The following TANGO2 variants were observed in gnomAD, a reference collection of about 807,000 sequenced individuals.
The protein encoded by TANGO2 is transport and golgi organization 2 homolog.
TANGO2 carries 26 observed loss-of-function variants against 39.1 expected under a neutral mutation model. The observed-to-expected ratio is 0.67, with a 90% CI of 0.49 to 0.92. The LOEUF (loss-of-function observed/expected upper bound fraction) is 0.92. Among genes scored for constraint, TANGO2 ranks in the 40% least tolerant of loss-of-function variants. The pLI is 0.00. For missense variants in TANGO2, 326 were observed against 360.1 expected (o/e 0.91, Z 0.77); for synonymous variants, 131 against 144.5 (o/e 0.91, Z 0.67).
At chr22:20,023,564 G>A (rs992968410) in intron 1 of TANGO2, among the ~76,000 whole-genome samples, 2 of 152,204 alleles carry the variant, frequency 1.3e-5, no homozygotes, top group African/African-American at 4.8e-5. Flanking sequence ...TAGAAAATGT[G>A]TCATGATAGG....
intron 3 of TANGO2, among the ~76,000 whole-genome samples, chr22:20,051,924 A>G (rs2046408837): frequency 6.6e-6 from 1 of 152,220 alleles, no homozygotes; most frequent in South Asian, 2.1e-4. Flanking sequence ...ATCTTTGGGT[A>G]AAATGACCCC....
intron 5 of TANGO2, 134 bp from the exon 6 acceptor site, chr22:20,055,809 A>G (rs2047218191): frequency 1.3e-6 from 1 of 751,548 alleles, no homozygotes; most frequent in African/African-American, 1.7e-5. Context: ...TGGGTCCTGC[A>G]AGCTCCTGAC....
chr22:20,056,483 G>A (rs1033028242), intron 6 of TANGO2: 5 of 457,756 alleles, frequency 1.1e-5, no homozygotes, highest in Non-Finnish European at 2.2e-5. Context: ...CCATCCTCAG[G>A]GCCTCGAGCC....
chr22:20,029,925 C>T (rs910303297), intron 1 of TANGO2, among the ~76,000 whole-genome samples: 48 of 152,150 alleles, frequency 3.2e-4, no homozygotes, highest in African/African-American at 1.0e-3. Flanking sequence ...CCTCTTTTGT[C>T]ACATCTGTGT....
chr22:20,051,273 T>C (rs1351470451), intron 3 of TANGO2, among the ~76,000 whole-genome samples: 2 of 151,992 alleles, frequency 1.3e-5, no homozygotes, highest in Non-Finnish European at 2.9e-5. Context: ...GGCTCACACC[T>C]GTAATCCCAG....
At chr22:20,023,388 G>A (rs2040100724) in intron 1 of TANGO2, among the ~76,000 whole-genome samples, 1 of 152,182 alleles carries the variant, frequency 6.6e-6, no homozygotes, top group Non-Finnish European at 1.5e-5. Context: ...GTTCCTCCCA[G>A]GAGGGCCTGA....
rs779369266 is a variant in TANGO2, at chr22:20,064,671, C to T, written c.*9C>T. On this transcript the variant is annotated 3_prime_UTR_variant, in exon 9 of 9. Transcript: ENST00000327374. ...TCACACTGCAGAGCTAACCCCACCT[C>T]TGGGCCTGGCCAGTGGGCTCCTGGG... 10 of 1,613,908 alleles carry T rather than the reference C, an allele frequency of 6.2e-6. No homozygotes were observed. The highest frequency in any genetic ancestry group is 7.6e-6 in the Non-Finnish European group (9 of 1,179,880).
intron 1 of TANGO2, chr22:20,033,339 G>T: frequency 2.4e-6 from 1 of 408,902 alleles, no homozygotes. Context: ...CCTGCCACTG[G>T]TGCCTGGAGG....
Position 20,064,746 on chromosome 22 carries a change from C to T in TANGO2, c.*84C>T. ...GGACAGGAAACCTTCCTTTGCCATA[C>T]TGCATTGCACTGCCCGTGGCTTGGC... is the stretch of plus-strand genomic sequence containing the variant. On this transcript the variant is annotated 3_prime_UTR_variant, in exon 9 of 9. Coordinates refer to ENST00000327374, the MANE Select transcript of TANGO2 (RefSeq NM_152906.7). The T allele has an allele frequency of 1.3e-6, 2 of 1,528,146 alleles. No individual in the cohort carries two copies. Among genetic ancestry groups the T allele is most frequent in the Non-Finnish European group, 1.8e-6 (2 of 1,126,866 alleles). The allele number at this position is 1,528,146 out of a possible 1,614,324, so 94.7% of individuals were successfully genotyped here.
chr22:20,024,484 C>T (rs2040348206), intron 1 of TANGO2, among the ~76,000 whole-genome samples: 1 of 152,218 alleles, frequency 6.6e-6, no homozygotes. Flanking sequence ...AAGCTCTGCC[C>T]CTGGGGGCTG....
chr22:20,048,945 A>T (rs1031472499), intron 3 of TANGO2, among the ~76,000 whole-genome samples: 2 of 152,156 alleles, frequency 1.3e-5, no homozygotes, highest in Non-Finnish European at 2.9e-5. Context: ...GCGCCCGGCC[A>T]GAATATTTCA....
chr22:20,041,151 G>A (rs192431576), intron 2 of TANGO2, among the ~76,000 whole-genome samples: 59 of 152,298 alleles, frequency 3.9e-4, no homozygotes, highest in Admixed American at 3.9e-3. Context: ...CTAGCACCAT[G>A]TACTTTTTTG....
rs920102178 is a variant in TANGO2 at position 20,066,169 on chromosome 22, G to A, written c.*1507G>A. ...CCAGCCACCCATACAGGTCTATCAGGTCGCAATGGAGGCCCCACTGGAGCG... is the reference window on the plus strand; with the variant it reads ...CCAGCCACCCATACAGGTCTATCAGATCGCAATGGAGGCCCCACTGGAGCG... On this transcript the variant is annotated 3_prime_UTR_variant, in exon 9 of 9. Transcript: ENST00000327374. 4 of 152,546 alleles carry A rather than the reference G, an allele frequency of 2.6e-5. No homozygotes were observed. The highest frequency in any genetic ancestry group is 9.6e-5 in the African/African-American group (4 of 41,464). 9.4% of individuals were successfully genotyped at this position (152,546 alleles called of 1,614,324 possible). A position where few individuals can be genotyped will look rare whatever the true frequency, so the allele number is the denominator to read the frequency against.
intron 6 of TANGO2, 105 bp downstream of exon 6, chr22:20,056,118 T>C (rs1181148307): frequency 1.0e-6 from 1 of 969,544 alleles, no homozygotes; most frequent in Admixed American, 1.9e-5. Flanking sequence ...TCTTCTGAGA[T>C]GACTTTGTGG....
At chr22:20,042,171 A>C (rs934056558) in intron 2 of TANGO2, among the ~76,000 whole-genome samples, 7 of 150,978 alleles carry the variant, frequency 4.6e-5, no homozygotes, top group African/African-American at 1.7e-4. Context: ...TTTTTTGTAG[A>C]TATGGGGTCT....
At chr22:20,060,166 G>A (rs558059339) in intron 6 of TANGO2, among the ~76,000 whole-genome samples, 31 of 152,050 alleles carry the variant, frequency 2.0e-4, no homozygotes, top group African/African-American at 6.0e-4. Context: ...TGGCTAAACC[G>A]GTGAAACCCC....
Position 20,036,826 on chromosome 22 carries a change from C to T in TANGO2, c.28C>T (p.Pro10Ser). 1.2e-6 allele frequency: 2 copies of T among 1,614,238 alleles called. No individual in the cohort carries two copies. Among genetic ancestry groups the T allele is most frequent in the Non-Finnish European group, 8.5e-7 (1 of 1,180,044 alleles). The change falls in exon 2 of 9, where the codon CCT becomes TCT. Residue 10 changes from proline (P) to serine (S), a missense_variant. Transcript: ENST00000327374. Reference sequence around the variant, plus strand: ...GTGCATCATCTTCTTTAAGTTTGATCCTCGCCCTGTTTCCAAAAACGCGTA... The same window carrying T: ...GTGCATCATCTTCTTTAAGTTTGATTCTCGCCCTGTTTCCAAAAACGCGTA... MCIIFFKFD[P>S]RPVSKNAYRL...
chr22:20,036,979 C>T (rs753236951), intron 2 of TANGO2, 125 bp downstream of exon 2: 2 of 1,606,406 alleles, frequency 1.2e-6, no homozygotes, highest in East Asian at 2.2e-5. Flanking sequence ...ACAGGCCTGG[C>T]ACTGCCCTCC....
upstream of TANGO2, among the ~76,000 whole-genome samples, chr22:20,018,395 G>T (rs896606624): frequency 6.6e-6 from 1 of 152,138 alleles, no homozygotes; most frequent in African/African-American, 2.4e-5. Flanking sequence ...TAGCTGAGGG[G>T]TCGTTTCCTC....
Sources: allele counts gnomAD v4.1 joint callset (sites outside exome capture counted in the v4.1 genomes callset), GRCh38; gene constraint gnomAD v4.1.1; transcripts MANE v1.5; gene names NCBI Gene and HGNC (gene_info 2026-07-23, HGNC 2026-07-21).